Variants in CAMK2D observed in about 807,000 individuals in gnomAD.
CAMK2D encodes calcium/calmodulin-dependent protein kinase type II subunit delta.
A neutral mutation model predicts 84.0 loss-of-function variants in CAMK2D; 37 were observed. The ratio of observed to expected loss-of-function variants is 0.44; its 90% confidence interval spans 0.34 to 0.58. CAMK2D has a LOEUF of 0.58. Ranked by LOEUF, CAMK2D falls within the 20% of genes least tolerant of loss-of-function variation. CAMK2D has a pLI of 0.02. For synonymous variants in CAMK2D, 202 were observed against 212.5 expected (o/e 0.95, Z 0.43); for missense variants, 448 against 652.5 (o/e 0.69, Z 3.41).
Position 113,520,022 on chromosome 4 carries a change from A to C in CAMK2D, c.602-2365T>G, listed in dbSNP as rs74735311. 1.4e-3 allele frequency among the ~76,000 whole-genome samples: 210 copies of C among 152,318 alleles called. 1 individual carries two copies. Among genetic ancestry groups the C allele is most frequent in the African/African-American group, 4.7e-3 (194 of 41,574 alleles). ...ACTGAGAGACCTTGACATACTAGCA[A>C]AGATGTCCATTTGGTCCTATCTTAA... On this transcript the variant is annotated intron_variant, in intron 8 of 20. Transcript: ENST00000511664.
intron 2 of CAMK2D, among the ~76,000 whole-genome samples, chr4:113,723,278 G>A (rs538266833): frequency 1.4e-5 from 2 of 147,162 alleles, no homozygotes; most frequent in South Asian, 4.3e-4. Context: ...AGGCTGGAAT[G>A]CAGTGGCACG....
At chr4:113,570,165 G>C (rs1280601940) in intron 4 of CAMK2D, among the ~76,000 whole-genome samples, 2 of 152,112 alleles carry the variant, frequency 1.3e-5, no homozygotes, top group Non-Finnish European at 2.9e-5. Flanking sequence ...TTCATGGATT[G>C]GAAGAATTAA....
At chr4:113,599,872 C>A (rs1161163484) in intron 4 of CAMK2D, among the ~76,000 whole-genome samples, 1 of 151,610 alleles carries the variant, frequency 6.6e-6, no homozygotes, top group Middle Eastern at 3.2e-3. Context: ...ATTGAGAAGA[C>A]TGAAGAGGAG....
chr4:113,628,463 G>A (rs2099076558), intron 3 of CAMK2D, among the ~76,000 whole-genome samples: 1 of 152,096 alleles, frequency 6.6e-6, no homozygotes, highest in Non-Finnish European at 1.5e-5. Context: ...AAAATCAGAA[G>A]TCTGGGTGAC....
At chr4:113,741,760 A>G (rs1241613841) in intron 2 of CAMK2D, among the ~76,000 whole-genome samples, 1 of 152,164 alleles carries the variant, frequency 6.6e-6, no homozygotes, top group Non-Finnish European at 1.5e-5. Flanking sequence ...AAAAGACTCT[A>G]CACAATCCAT....
chr4:113,647,949 T>C (rs926728764), intron 3 of CAMK2D, among the ~76,000 whole-genome samples: 2 of 152,194 alleles, frequency 1.3e-5, no homozygotes, highest in Admixed American at 6.5e-5. Flanking sequence ...ACAAATAAGC[T>C]TAAATGCACA....
At chr4:113,512,637 A>T (rs746097674) in intron 12 of CAMK2D, among the ~76,000 whole-genome samples, 18 of 152,088 alleles carry the variant, frequency 1.2e-4, no homozygotes, top group Non-Finnish European at 1.9e-4. Context: ...CAGTGGCGTG[A>T]TCTCTGCTCA....
chr4:113,635,405 C>T (rs1344877953), intron 3 of CAMK2D, among the ~76,000 whole-genome samples: 1 of 152,144 alleles, frequency 6.6e-6, no homozygotes. Context: ...AATTAATGGG[C>T]ACTGTAATAG....
intron 4 of CAMK2D, among the ~76,000 whole-genome samples, chr4:113,601,800 A>AT (rs34077736): frequency 7.0e-6 from 1 of 141,984 alleles, no homozygotes; most frequent in Non-Finnish European, 1.5e-5. Flanking sequence ...GGCTCAAGTG[A>AT]TTTTCCGCCT....
intron 4 of CAMK2D, among the ~76,000 whole-genome samples, chr4:113,600,591 C>T (rs551773583): frequency 6.6e-6 from 1 of 151,942 alleles, no homozygotes; most frequent in Admixed American, 6.6e-5. Context: ...GATATAACAC[C>T]AAGAAATCCA....
intron 2 of CAMK2D, among the ~76,000 whole-genome samples, chr4:113,746,369 T>C (rs1302151768): frequency 6.6e-6 from 1 of 151,938 alleles, no homozygotes; most frequent in African/African-American, 2.4e-5. Context: ...ATCATTATTA[T>C]TTTAAAAGTT....
chr4:113,735,478 A>G (rs1355300326), intron 2 of CAMK2D, among the ~76,000 whole-genome samples: 1 of 151,714 alleles, frequency 6.6e-6, no homozygotes, highest in African/African-American at 2.4e-5. Flanking sequence ...GTCTCAAAAA[A>G]CAAACAACAA....
chr4:113,757,427 A>G lies in CAMK2D; in HGVS notation c.160+1893T>C, dbSNP rs1237879510. Among the ~76,000 whole-genome samples, 3 of 152,114 alleles carry G rather than the reference A, an allele frequency of 2.0e-5. No homozygotes were observed. The East Asian group carries it at 5.8e-4, about 29-fold the overall frequency. On this transcript the variant is annotated intron_variant, in intron 2 of 20. Coordinates refer to ENST00000511664, the MANE Select transcript of CAMK2D (RefSeq NM_001321571.2). ...AGAGAAACTAGTTAATGTGCTCAAG[A>G]TCACACAGCCAGTAGGTATGGGCAG... is the stretch of plus-strand genomic sequence containing the variant.
chr4:113,544,035 C>A (rs556541284), intron 6 of CAMK2D, among the ~76,000 whole-genome samples: 1 of 152,232 alleles, frequency 6.6e-6, no homozygotes, highest in East Asian at 1.9e-4. Flanking sequence ...TCATGATCCA[C>A]CCGCCTTAAG....
intron 2 of CAMK2D, among the ~76,000 whole-genome samples, chr4:113,752,787 G>C (rs2099620302): frequency 2.0e-5 from 3 of 152,068 alleles, no homozygotes. Context: ...CCTTCCAGAA[G>C]ACAGCATGGA....
intron 13 of CAMK2D, among the ~76,000 whole-genome samples, chr4:113,508,849 A>G (rs2098167849): frequency 6.6e-6 from 1 of 152,230 alleles, no homozygotes; most frequent in Non-Finnish European, 1.5e-5. Flanking sequence ...ATTCCCAAGA[A>G]CGTTGAAGTG....
rs1417400587 is a variant in CAMK2D at position 113,727,943 on chromosome 4, C to A, written c.160+31377G>T. Among the ~76,000 whole-genome samples, 3 of 152,000 alleles carry A rather than the reference C, an allele frequency of 2.0e-5. No homozygotes were observed. The East Asian group carries it at 5.8e-4, about 29-fold the overall frequency. On this transcript the variant is annotated intron_variant, in intron 2 of 20. Transcript: ENST00000511664. Reference sequence around the variant, plus strand: ...AATATCATTTGTCTTTAGGGAAATGCAAATTAAAACCACACTGAGATACCA... The same window carrying A: ...AATATCATTTGTCTTTAGGGAAATGAAAATTAAAACCACACTGAGATACCA...
At chr4:113,628,346 G>C (rs2099076091) in intron 3 of CAMK2D, among the ~76,000 whole-genome samples, 1 of 151,994 alleles carries the variant, frequency 6.6e-6, no homozygotes, top group Non-Finnish European at 1.5e-5. Flanking sequence ...AAAAGAAATA[G>C]AAAAGGAATA....
chr4:113,499,024 G>A (rs981512434), intron 16 of CAMK2D, among the ~76,000 whole-genome samples: 1 of 152,148 alleles, frequency 6.6e-6, no homozygotes, highest in Admixed American at 6.5e-5. Flanking sequence ...AGTTTTCTTA[G>A]TCTTGCTCAA....
Sources: allele counts gnomAD v4.1 joint callset (sites outside exome capture counted in the v4.1 genomes callset), GRCh38; gene constraint gnomAD v4.1.1; transcripts MANE v1.5; gene names NCBI Gene and HGNC (gene_info 2026-07-23, HGNC 2026-07-21).